The following LRP5 variants were observed in gnomAD, a reference collection of about 807,000 sequenced individuals.
The protein encoded by LRP5 is LDL receptor related protein 5, also known as low-density lipoprotein receptor-related protein 5.
A neutral mutation model predicts 154.1 loss-of-function variants in LRP5; 62 were observed. The ratio of observed to expected loss-of-function variants is 0.40; its 90% CI spans 0.33 to 0.50. The LOEUF (loss-of-function observed/expected upper bound fraction) is 0.50. Among genes scored for constraint, LRP5 ranks in the 20% least tolerant of loss-of-function variants. The probability of loss-of-function intolerance (pLI) is 0.55; values close to 1 mark genes in which losing one functional copy is unlikely to be tolerated. For synonymous variants in LRP5, 966 were observed against 1,011.5 expected, an observed-to-expected ratio of 0.96 and a Z score of 0.85; for missense variants, 1,915 against 2,336.7, an observed-to-expected ratio of 0.82 and a Z score of 3.72.
chr11:68,312,219 G>A (rs575132926), upstream of LRP5, among the ~76,000 whole-genome samples: 1 of 152,252 alleles, frequency 6.6e-6, no homozygotes, highest in Non-Finnish European at 1.5e-5. Context: ...GGGCCGCCCC[G>A]TGGGGCCCCA....
intron 1 of LRP5, among the ~76,000 whole-genome samples, chr11:68,340,439 A>G (rs1296289998): frequency 3.3e-5 from 5 of 152,154 alleles, no homozygotes; most frequent in Admixed American, 3.3e-4. Context: ...GATGAAGGCA[A>G]CATTTAATTA....
intron 11 of LRP5, among the ~76,000 whole-genome samples, chr11:68,412,410 G>T (rs1244559366): frequency 2.6e-5 from 4 of 152,122 alleles, no homozygotes; most frequent in Admixed American, 1.3e-4. Flanking sequence ...TGAGGCCAAG[G>T]CGGGCAGATG....
chr11:68,331,533 A>G (rs2098602734), intron 1 of LRP5, among the ~76,000 whole-genome samples: 1 of 152,228 alleles, frequency 6.6e-6, no homozygotes, highest in African/African-American at 2.4e-5. Context: ...GAAGACCCGG[A>G]GGCGCCTGTC....
At chr11:68,320,308 T>C (rs908897535) in intron 1 of LRP5, among the ~76,000 whole-genome samples, 15 of 152,242 alleles carry the variant, frequency 9.9e-5, no homozygotes, top group African/African-American at 3.6e-4. Context: ...TGGTGTTTTC[T>C]TTGGTCCAGT....
intron 20 of LRP5, 59 bp from the exon 21 acceptor site, chr11:68,439,718 G>T: frequency 6.4e-7 from 1 of 1,570,850 alleles, no homozygotes; most frequent in Non-Finnish European, 8.7e-7. Flanking sequence ...CCCTATGTCT[G>T]TGGGGCGGCT....
In LRP5 at chr11:68,406,428, T is replaced by C; in HGVS notation, c.1802-96T>C. 3.0e-6 allele frequency: 4 copies of C among 1,328,844 alleles called. No individual in the cohort carries two copies. In the Admixed American group the frequency reaches 5.0e-5, roughly 17 times the overall value. 82.3% of individuals were successfully genotyped at this position (1,328,844 alleles called of 1,614,324 possible). A position where few individuals can be genotyped will look rare whatever the true frequency, so the allele number is the denominator to read the frequency against. ...TCCTGAGCTCGGCACCCCTGAGCTGTGTGGCTCACGGCAGCATTCATTGTG... is the reference window on the plus strand; with the variant it reads ...TCCTGAGCTCGGCACCCCTGAGCTGCGTGGCTCACGGCAGCATTCATTGTG... On this transcript the variant is annotated intron_variant, in intron 8 of 22. Coordinates refer to ENST00000294304, the MANE Select transcript of LRP5 (RefSeq NM_002335.4).
intron 7 of LRP5, among the ~76,000 whole-genome samples, chr11:68,397,966 G>GTGTT (rs1432896178): frequency 7.3e-6 from 1 of 137,306 alleles, no homozygotes; most frequent in Admixed American, 8.0e-5. Flanking sequence ...GCAGAGCTGT[G>GTGTT]TGTGTTTGTG....
At position 68,386,294 on chromosome 11, in the gene LRP5, C is replaced by T. The variant is rs769127659; in HGVS notation, c.1016-22C>T. On this transcript the variant is annotated intron_variant, in intron 5 of 22. Coordinates refer to ENST00000294304, the MANE Select transcript of LRP5 (RefSeq NM_002335.4). The surrounding 1 kb of genome is among the most constrained non-coding windows in gnomAD (Gnocchi z 7.9). ...CTGCTGCAGGCCCTTGACCCCTGAC[C>T]CCATTGCACCTGTCTCCACAGGAGC... 36 of 1,609,238 alleles carry T rather than the reference C, an allele frequency of 2.2e-5. No homozygotes were observed. The highest frequency in any genetic ancestry group is 2.9e-5 in the Non-Finnish European group (34 of 1,179,982).
chr11:68,439,936 AGGGGC>A lies in LRP5; in HGVS notation c.4488+29_4488+33del. On this transcript the variant is annotated intron_variant, in intron 21 of 22. Transcript: ENST00000294304. Reference sequence around the variant, plus strand: ...CCGCCGGTGAGGGGCGGGGCCGGGGAGGGGCGGGGCGGGATGGGGCTGTGGGCCCC... The same window carrying A: ...CCGCCGGTGAGGGGCGGGGCCGGGGAGGGGCGGGATGGGGCTGTGGGCCCC... 4 of 464,320 alleles carry A rather than the reference AGGGGC, an allele frequency of 8.6e-6. No homozygotes were observed. The highest frequency in any genetic ancestry group is 1.5e-5 in the Non-Finnish European group (4 of 270,426). The allele number at this position is 464,320 out of a possible 1,614,324, so 28.8% of individuals were successfully genotyped here. A position where few individuals can be genotyped will look rare whatever the true frequency, so the allele number is the denominator to read the frequency against.
chr11:68,419,033 G>A (rs1006470487), intron 13 of LRP5, among the ~76,000 whole-genome samples: 9 of 152,158 alleles, frequency 5.9e-5, no homozygotes, highest in African/African-American at 1.9e-4. Context: ...CCCCTCCTGT[G>A]TCTTTTGCTA....
rs1234989959 is a variant in LRP5 at position 68,365,647 on chromosome 11, A to G, written c.960A>G (p.Thr320=). ...CLLSPSEPFY[T]CACPTGVQLQ... is the part of the protein sequence containing the mutation. The stretch of plus-strand genomic sequence containing the variant: ...TGTCCCCAAGCGAGCCTTTCTACAC[A>G]TGCGCCTGCCCCACGGGTGTGCAGC... Residue 320 remains threonine, a synonymous_variant, in exon 5 of 23, where the codon ACA becomes ACG. Transcript: ENST00000294304. The G allele has an allele frequency of 1.3e-6, 2 of 1,574,652 alleles. No individual in the cohort carries two copies. Among genetic ancestry groups the G allele is most frequent in the African/African-American group, 2.7e-5 (2 of 72,906 alleles).
At chr11:68,409,211 ATATATAATATATAATATAAAATATATAT>A (rs2098657882) in intron 9 of LRP5, among the ~76,000 whole-genome samples, 2 of 60,714 alleles carry the variant, frequency 3.3e-5, no homozygotes, top group South Asian at 8.3e-4. Flanking sequence ...TTATAAGTAA[ATATATAATATATAATATAAAATATATAT>A]TATATAATAT....
chr11:68,358,881 C>T (rs2098625399), intron 3 of LRP5, among the ~76,000 whole-genome samples: 2 of 152,166 alleles, frequency 1.3e-5, no homozygotes, highest in African/African-American at 2.4e-5. Context: ...ACGGCAGACC[C>T]CATTCCTGCA....
chr11:68,434,350 TTTCATTCATTCA>T (rs3138551), intron 18 of LRP5, among the ~76,000 whole-genome samples: 2,767 of 143,432 alleles, frequency 0.019, 75 homozygotes, highest in African/African-American at 0.059. Context: ...GTGAGTTTTC[TTTCATTCATTCA>T]TTCATTCATT....
At chr11:68,373,163 C>T (rs2098635296) in intron 5 of LRP5, among the ~76,000 whole-genome samples, 1 of 151,792 alleles carries the variant, frequency 6.6e-6, no homozygotes, top group Non-Finnish European at 1.5e-5. Context: ...TCCTGGGTGT[C>T]TGACCGTTTA....
intron 1 of LRP5, among the ~76,000 whole-genome samples, chr11:68,316,859 A>G (rs2098593691): frequency 6.6e-6 from 1 of 152,236 alleles, no homozygotes; most frequent in Non-Finnish European, 1.5e-5. Context: ...CTGGGAGGGC[A>G]GAGTGAGGGC....
At chr11:68,414,147 AGCTGCATGAT>A (rs1456826821) in intron 12 of LRP5, 135 bp downstream of exon 12, 1 of 844,818 alleles carries the variant, frequency 1.2e-6, no homozygotes, top group African/African-American at 1.7e-5. Context: ...GCACTGCACA[AGCTGCATGAT>A]GCTACCTGGG....
chr11:68,348,023 A>G lies in LRP5; in HGVS notation c.268A>G (p.Thr90Ala), dbSNP rs747967502. 3.1e-6 allele frequency: 5 copies of G among 1,614,060 alleles called. No homozygotes were observed. Among genetic ancestry groups the G allele is most frequent in the Non-Finnish European group, 4.2e-6 (5 of 1,180,020 alleles). Residue 90 changes from threonine (T) to alanine (A), a missense_variant, in exon 2 of 23, where the codon ACC (threonine) becomes GCC (alanine). By Grantham distance (58) the Thr-to-Ala change is moderately conservative. This residue lies in a region of LRP5 where 773 missense variants were observed against 1,100.9 expected (regional missense o/e 0.70). Coordinates refer to ENST00000294304, the MANE Select transcript of LRP5 (RefSeq NM_002335.4). ...TDVSEEAIKQTYLNQTGAAVQ... is the reference protein window; with the variant it reads ...TDVSEEAIKQAYLNQTGAAVQ... ...CGTGAGCGAGGAGGCCATCAAGCAG[A>G]CCTACCTGAACCAGACGGGGGCCGC...
Position 68,386,510 on chromosome 11 carries a change from G to A in LRP5, c.1210G>A (p.Gly404Arg), listed in dbSNP as rs750791263. ...GGCCATCCGCAGGGCGTACCTGGAC[G>A]GGTCTGGGGCGCAGACGCTGGTCAA... ...VRAIRRAYLD[G>R]SGAQTLVNTE... The change falls in exon 6 of 23, where the codon GGG becomes AGG. Residue 404 changes from glycine (G) to arginine (R), a missense_variant. By Grantham distance (125) the Gly-to-Arg change is moderately radical. Coordinates refer to ENST00000294304, the MANE Select transcript of LRP5 (RefSeq NM_002335.4). The surrounding 1 kb of genome is among the most constrained non-coding windows in gnomAD (Gnocchi z 7.9). 8 of 1,613,912 alleles carry A rather than the reference G, an allele frequency of 5.0e-6. No homozygotes were observed. Among genetic ancestry groups the A allele is most frequent in the African/African-American group, 1.3e-5 (1 of 74,940 alleles).
Sources: gnomAD v4.1 joint callset for allele counts (sites outside exome capture counted in the v4.1 genomes callset) on GRCh38, gnomAD v4.1.1 for gene constraint, gnomAD v4.1.1 regional missense constraint, Gnocchi (gnomAD v3.1) non-coding constraint, MANE v1.5 for transcripts, NCBI Gene and HGNC (gene_info 2026-07-23, HGNC 2026-07-21) for gene names.